VCF1: variants seen among roughly 807,000 people sequenced by gnomAD.
VCF1 encodes protein VCF1.
chr17:73,227,363 G>A, the VCF1 span: 18 of 968,042 alleles, frequency 1.9e-5, no homozygotes, highest in Admixed American at 9.7e-5. Context: ...TTTGCCCTCT[G>A]GCCTGAGAAA....
chr17:73,220,984 C>T, the VCF1 span, among the ~76,000 whole-genome samples: 2 of 148,390 alleles, frequency 1.3e-5, 1 homozygote, highest in African/African-American at 5.1e-5. Flanking sequence ...CTGCAACCTC[C>T]GCCTCCCGGG....
the VCF1 span, chr17:73,208,651 C>T: frequency 6.0e-6 from 4 of 667,464 alleles, no homozygotes; most frequent in Admixed American, 2.3e-5. Context: ...TTGCTTTAGA[C>T]ATCAGTTCAG....
At chr17:73,232,219 C>A in the VCF1 span, 5 of 1,611,448 alleles carry the variant, frequency 3.1e-6, 1 homozygote, top group Non-Finnish European at 4.2e-6. Flanking sequence ...GCTCTCGCAG[C>A]CGCTCGGGTG....
At chr17:73,230,405 CTTT>C in the VCF1 span, among the ~76,000 whole-genome samples, 1 of 148,330 alleles carries the variant, frequency 6.7e-6, no homozygotes, top group Non-Finnish European at 1.5e-5. Flanking sequence ...CCTGAAAACC[CTTT>C]TTTTTTTTTA....
chr17:73,218,889 G>A, the VCF1 span, among the ~76,000 whole-genome samples: 3 of 152,142 alleles, frequency 2.0e-5, no homozygotes, highest in South Asian at 2.1e-4. Context: ...GCGTGGTGGC[G>A]TGCGCCTGTA....
At chr17:73,231,893 C>T in the VCF1 span, among the ~76,000 whole-genome samples, 1 of 152,172 alleles carries the variant, frequency 6.6e-6, no homozygotes, top group Non-Finnish European at 1.5e-5. Flanking sequence ...GGAGAGTCAC[C>T]TTCCAGCTAC....
chr17:73,210,527 A>C, the VCF1 span, among the ~76,000 whole-genome samples: 1 of 151,410 alleles, frequency 6.6e-6, no homozygotes, highest in East Asian at 1.9e-4. Context: ...ACTTTCAGAA[A>C]TTCCCGCCTT....
the VCF1 span, chr17:73,208,080 A>G: frequency 7.0e-7 from 1 of 1,420,980 alleles, no homozygotes; most frequent in East Asian, 2.7e-5. Flanking sequence ...GCCTGTGTCT[A>G]CCCTTTTCCC....
chr17:73,230,121 A>T, the VCF1 span, among the ~76,000 whole-genome samples: 1 of 151,846 alleles, frequency 6.6e-6, no homozygotes, highest in East Asian at 1.9e-4. Flanking sequence ...ATATAGTGAA[A>T]CCCCACCTCT....
the VCF1 span, among the ~76,000 whole-genome samples, chr17:73,226,915 G>T: frequency 6.6e-6 from 1 of 152,132 alleles, no homozygotes; most frequent in Admixed American, 6.6e-5. Flanking sequence ...CTTTCAAAAA[G>T]CCACGAAATT....
the VCF1 span, among the ~76,000 whole-genome samples, chr17:73,212,051 G>A: frequency 6.6e-6 from 1 of 152,062 alleles, no homozygotes; most frequent in Non-Finnish European, 1.5e-5. Context: ...AGACTGGAAA[G>A]AAAGAACGAA....
the VCF1 span, among the ~76,000 whole-genome samples, chr17:73,225,798 TAAAC>T: frequency 1.4e-5 from 2 of 139,870 alleles, no homozygotes; most frequent in Non-Finnish European, 3.3e-5. Flanking sequence ...ACTATTACAT[TAAAC>T]AAAGCTCAAT....
chr17:73,228,754 C>G, the VCF1 span, among the ~76,000 whole-genome samples: 3 of 152,202 alleles, frequency 2.0e-5, no homozygotes, highest in Admixed American at 6.5e-5. Flanking sequence ...AAATTTGAAC[C>G]AAGAAACTGC....
the VCF1 span, among the ~76,000 whole-genome samples, chr17:73,215,703 C>T: frequency 6.6e-6 from 1 of 152,180 alleles, no homozygotes; most frequent in South Asian, 2.1e-4. Context: ...ATGTACAAGG[C>T]GTTCCACTAG....
chr17:73,207,685 T>C, the VCF1 span: 3 of 1,293,720 alleles, frequency 2.3e-6, no homozygotes, highest in African/African-American at 4.5e-5. Context: ...TTCTTGTTAA[T>C]ACACGTTTCA....
the VCF1 span, chr17:73,208,733 T>A: frequency 4.3e-6 from 2 of 463,542 alleles, no homozygotes; most frequent in Non-Finnish European, 8.0e-6. Context: ...GTCAATGAGA[T>A]CATGTAAGCT....
chr17:73,208,661 G>C, the VCF1 span: 1 of 625,112 alleles, frequency 1.6e-6, no homozygotes, highest in Non-Finnish European at 2.8e-6. Flanking sequence ...CATCAGTTCA[G>C]GTAGCTTACA....
the VCF1 span, chr17:73,212,645 C>CAA: frequency 6.4e-7 from 1 of 1,560,942 alleles, no homozygotes; most frequent in South Asian, 1.2e-5. Flanking sequence ...GAATATTTAA[C>CAA]AAACAGGTCA....
chr17:73,224,820 C>T, the VCF1 span, among the ~76,000 whole-genome samples: 1 of 111,320 alleles, frequency 9.0e-6, no homozygotes, highest in South Asian at 2.8e-4. Flanking sequence ...GGAAGCACAG[C>T]GCAGCACAGC....
Sources: allele counts gnomAD v4.1 joint callset (sites outside exome capture counted in the v4.1 genomes callset), GRCh38; gene constraint gnomAD v4.1.1; transcripts MANE v1.5; gene names NCBI Gene and HGNC (gene_info 2026-07-23, HGNC 2026-07-21).